Variants in DNAJB14 observed in about 807,000 individuals in gnomAD.
DNAJB14 encodes the protein DnaJ heat shock protein family (Hsp40) member B14, also known as dnaJ homolog subfamily B member 14.
In DNAJB14, 22 loss-of-function variants were observed where a neutral mutation model predicts 48.4. That is an observed-to-expected ratio of 0.45 (90% CI 0.32 to 0.65). The LOEUF (loss-of-function observed/expected upper bound fraction) is 0.65. DNAJB14 is among the 30% of genes least tolerant of loss of function. The pLI is 0.03. For synonymous variants in DNAJB14, 142 were observed against 158.7 expected (o/e 0.89, Z 0.79); for missense variants, 319 against 458.8 (o/e 0.70, Z 2.78).
At chr4:99,922,200 T>C (rs1166544426) in intron 3 of DNAJB14, among the ~76,000 whole-genome samples, 2 of 152,182 alleles carry the variant, frequency 1.3e-5, no homozygotes, top group African/African-American at 4.8e-5. Context: ...TAAAACTGTT[T>C]TGGAAACAAT....
At chr4:99,938,967 A>T (rs1466834579) in intron 1 of DNAJB14, among the ~76,000 whole-genome samples, 1 of 152,142 alleles carries the variant, frequency 6.6e-6, no homozygotes, top group Non-Finnish European at 1.5e-5. Flanking sequence ...CAGGTGGAGG[A>T]GGAAGTATCT....
intron 3 of DNAJB14, among the ~76,000 whole-genome samples, chr4:99,921,107 G>A (rs189551283): frequency 2.0e-5 from 3 of 152,298 alleles, no homozygotes; most frequent in East Asian, 1.9e-4. Flanking sequence ...CTCGCCAAGC[G>A]TGTGTGGATT....
intron 3 of DNAJB14, among the ~76,000 whole-genome samples, chr4:99,916,678 C>T (rs1725867613): frequency 6.6e-6 from 1 of 151,904 alleles, no homozygotes; most frequent in Non-Finnish European, 1.5e-5. Context: ...CTTTGTATAA[C>T]TTTTTAGCGG....
chr4:99,899,876 A>G lies in DNAJB14; in HGVS notation c.*1152T>C, dbSNP rs1725240164. The G allele has an allele frequency of 6.6e-6, 1 of 152,192 alleles. No individual in the cohort carries two copies. Among genetic ancestry groups the G allele is most frequent in the South Asian group, 2.1e-4 (1 of 4,826 alleles). The allele number at this position is 152,192 out of a possible 1,614,324, so 9.4% of individuals were successfully genotyped here. ...CCTATGGGATTAATTCAATTACTCA[A>G]TGGTAAATAGATTTTAGCTCAGAAT... On this transcript the variant is annotated 3_prime_UTR_variant, in exon 8 of 8. Coordinates refer to ENST00000442697, the MANE Select transcript of DNAJB14 (RefSeq NM_001031723.4).
intron 1 of DNAJB14, among the ~76,000 whole-genome samples, chr4:99,934,623 G>C (rs1439141621): frequency 1.3e-5 from 2 of 150,904 alleles, no homozygotes; most frequent in Admixed American, 1.3e-4. Context: ...GTGAAATCCT[G>C]TCTCTACAAA....
At chr4:99,930,397 A>G (rs760485459) in intron 2 of DNAJB14, 53 bp downstream of exon 2, 2 of 1,501,086 alleles carry the variant, frequency 1.3e-6, no homozygotes, top group African/African-American at 1.4e-5. Context: ...TATAACATCA[A>G]AAAGTACATT....
intron 1 of DNAJB14, among the ~76,000 whole-genome samples, chr4:99,935,070 T>A (rs1357239903): frequency 1.3e-5 from 2 of 151,490 alleles, no homozygotes; most frequent in African/African-American, 2.4e-5. Flanking sequence ...ATATGTACAA[T>A]AGGAGTACTG....
intron 4 of DNAJB14, among the ~76,000 whole-genome samples, chr4:99,908,028 T>G (rs758563323): frequency 6.6e-6 from 1 of 152,192 alleles, no homozygotes; most frequent in Non-Finnish European, 1.5e-5. Context: ...TAAAATTAGT[T>G]GTTATACAGA....
intron 3 of DNAJB14, among the ~76,000 whole-genome samples, chr4:99,921,866 C>T (rs1335772583): frequency 1.3e-5 from 2 of 151,938 alleles, no homozygotes; most frequent in African/African-American, 4.8e-5. Flanking sequence ...AACCTAAGTG[C>T]TATTATCTGT....
At chr4:99,944,397 C>G (rs1360488956) in intron 1 of DNAJB14, among the ~76,000 whole-genome samples, 1 of 152,060 alleles carries the variant, frequency 6.6e-6, no homozygotes, top group Non-Finnish European at 1.5e-5. Flanking sequence ...TTCTTGGTAT[C>G]CAAAATAATT....
At chr4:99,922,792 T>C (rs932720467) in intron 3 of DNAJB14, 3 of 333,464 alleles carry the variant, frequency 9.0e-6, no homozygotes, top group African/African-American at 4.3e-5. Flanking sequence ...CAAGAAAGCA[T>C]GCATATGTGC....
chr4:99,909,376 C>T lies in DNAJB14; in HGVS notation c.452-480G>A, dbSNP rs532094039. On this transcript the variant is annotated intron_variant, in intron 3 of 7. Coordinates refer to ENST00000442697, the MANE Select transcript of DNAJB14 (RefSeq NM_001031723.4). ...AATTATTCTTAGCACGATAAATACACTCTCTTTATGCAGCCCATACCAAAA... is the reference window on the plus strand; with the variant it reads ...AATTATTCTTAGCACGATAAATACATTCTCTTTATGCAGCCCATACCAAAA... 1.2e-4 allele frequency among the ~76,000 whole-genome samples: 19 copies of T among 152,164 alleles called. No individual in the cohort carries two copies. In the South Asian group the frequency reaches 2.5e-3, roughly 20 times the overall value.
intron 3 of DNAJB14, among the ~76,000 whole-genome samples, chr4:99,912,145 C>T (rs1057470858): frequency 6.6e-6 from 1 of 152,204 alleles, no homozygotes; most frequent in Non-Finnish European, 1.5e-5. Flanking sequence ...TTTCCTCCAT[C>T]GAACTGCTTT....
chr4:99,924,929 A>G, intron 2 of DNAJB14: 1 of 711,926 alleles, frequency 1.4e-6, no homozygotes, highest in Non-Finnish European at 2.5e-6. Context: ...CTACTACAGA[A>G]TCTTCATTTA....
chr4:99,940,613 T>C (rs891540184), intron 1 of DNAJB14, among the ~76,000 whole-genome samples: 5 of 151,796 alleles, frequency 3.3e-5, no homozygotes, highest in African/African-American at 1.2e-4. Flanking sequence ...ATAAATAAAA[T>C]AACAAAGTAA....
chr4:99,897,796 T>C lies in DNAJB14; in HGVS notation c.*3232A>G, dbSNP rs552365434. On this transcript the variant is annotated 3_prime_UTR_variant, in exon 8 of 8. Transcript: ENST00000442697. ...TTGCTTCACTCATTATGAAGATGGA[T>C]AGTAATAGGATAGTACTGAACCCAA... 2 of 152,148 alleles carry C rather than the reference T, an allele frequency of 1.3e-5. No homozygotes were observed. The highest frequency in any genetic ancestry group is 4.8e-5 in the African/African-American group (2 of 41,562). 9.4% of individuals were successfully genotyped at this position (152,148 alleles called of 1,614,324 possible).
chr4:99,924,713 T>TA (rs1333943903), intron 2 of DNAJB14: 1 of 1,608,182 alleles, frequency 6.2e-7, no homozygotes, highest in East Asian at 2.2e-5. Flanking sequence ...GTTTAGAAGC[T>TA]ATGTGATAGA....
At chr4:99,934,916 A>G (rs1726618518) in intron 1 of DNAJB14, among the ~76,000 whole-genome samples, 1 of 141,578 alleles carries the variant, frequency 7.1e-6, no homozygotes, top group Admixed American at 7.1e-5. Flanking sequence ...AAACTAGAAG[A>G]AACTAGACTC....
At chr4:99,908,504 A>T (rs1725544113) in intron 4 of DNAJB14, among the ~76,000 whole-genome samples, 1 of 152,074 alleles carries the variant, frequency 6.6e-6, no homozygotes, top group Non-Finnish European at 1.5e-5. Context: ...TCATTTTTTT[A>T]AATTAAAATA....
Sources: gnomAD v4.1 joint callset for allele counts (sites outside exome capture counted in the v4.1 genomes callset) on GRCh38, gnomAD v4.1.1 for gene constraint, MANE v1.5 for transcripts, NCBI Gene and HGNC (gene_info 2026-07-23, HGNC 2026-07-21) for gene names.